Variants in EYS observed in about 807,000 individuals in gnomAD.
The protein encoded by EYS is protein eyes shut homolog.
Under a neutral mutation model 282.1 loss-of-function variants are expected in EYS, and 250 were observed. The observed-to-expected ratio is 0.89, with a 90% CI of 0.80 to 0.98. EYS has a LOEUF of 0.98. Ranked by LOEUF, EYS falls within the 50% of genes least tolerant of loss-of-function variation. The probability of loss-of-function intolerance (pLI) is 0.00; values close to 1 mark genes in which losing one functional copy is unlikely to be tolerated. For synonymous variants in EYS, 1,355 were observed against 1,282.9 expected (o/e 1.06, Z -1.20); for missense variants, 4,016 against 3,709.0 (o/e 1.08, Z -2.15).
chr6:65,224,332 A>G (rs1265231601), intron 12 of EYS, among the ~76,000 whole-genome samples: 1 of 152,224 alleles, frequency 6.6e-6, no homozygotes, highest in Non-Finnish European at 1.5e-5. Flanking sequence ...GCAATCACAA[A>G]GTAAATTCTA....
intron 12 of EYS, among the ~76,000 whole-genome samples, chr6:65,085,101 T>C (rs1401067285): frequency 6.6e-6 from 1 of 152,140 alleles, no homozygotes; most frequent in Non-Finnish European, 1.5e-5. Context: ...AAGAAAATTA[T>C]AAATAAGAAA....
intron 33 of EYS, among the ~76,000 whole-genome samples, chr6:64,044,346 C>T (rs539035078): frequency 8.5e-5 from 13 of 152,216 alleles, no homozygotes; most frequent in African/African-American, 2.4e-4. Flanking sequence ...TTGCTACAGC[C>T]CTTGCATTAC....
intron 18 of EYS, among the ~76,000 whole-genome samples, chr6:64,891,568 C>G (rs1038695627): frequency 3.3e-5 from 5 of 152,076 alleles, no homozygotes; most frequent in African/African-American, 4.8e-5. Flanking sequence ...CTCCTGGCCT[C>G]TGGCTATAGT....
intron 26 of EYS, among the ~76,000 whole-genome samples, chr6:64,582,416 C>T (rs532798734): frequency 2.2e-4 from 33 of 152,190 alleles, no homozygotes; most frequent in African/African-American, 7.2e-4. Context: ...CCTAGCCCCC[C>T]ATGGAAAAAC....
intron 2 of EYS, among the ~76,000 whole-genome samples, chr6:65,573,461 A>G (rs1481695843): frequency 3.3e-5 from 5 of 152,164 alleles, no homozygotes; most frequent in Admixed American, 6.6e-5. Flanking sequence ...GGGAGACGCC[A>G]CTGTTTACTC....
At chr6:65,296,664 T>C (rs1048423727) in intron 11 of EYS, among the ~76,000 whole-genome samples, 7 of 151,868 alleles carry the variant, frequency 4.6e-5, no homozygotes, top group African/African-American at 1.7e-4. Flanking sequence ...TTTTAAAATA[T>C]CTGTACTCTT....
chr6:63,777,116 T>C (rs1440102010), intron 40 of EYS, among the ~76,000 whole-genome samples: 1 of 152,206 alleles, frequency 6.6e-6, no homozygotes, highest in Non-Finnish European at 1.5e-5. Context: ...AGTCAAACTA[T>C]ACATTTTTTT....
At chr6:64,241,334 T>G (rs1200038414) in intron 30 of EYS, among the ~76,000 whole-genome samples, 1 of 152,186 alleles carries the variant, frequency 6.6e-6, no homozygotes, top group African/African-American at 2.4e-5. Flanking sequence ...AGCACCTCTT[T>G]ATACCTCTGG....
chr6:65,235,042 G>A (rs796628275), intron 12 of EYS, among the ~76,000 whole-genome samples: 2 of 152,094 alleles, frequency 1.3e-5, no homozygotes, highest in African/African-American at 2.4e-5. Context: ...AATATTTTAA[G>A]GTTCATTAAA....
chr6:64,208,442 ATCTCT>A (rs1452013967), intron 31 of EYS, among the ~76,000 whole-genome samples: 1 of 152,180 alleles, frequency 6.6e-6, no homozygotes, highest in Admixed American at 6.5e-5. Context: ...TGTCTTTAGT[ATCTCT>A]TCTCTTATTA....
At chr6:65,567,131 C>T (rs1764292182) in intron 2 of EYS, among the ~76,000 whole-genome samples, 2 of 151,952 alleles carry the variant, frequency 1.3e-5, no homozygotes, top group African/African-American at 4.8e-5. Flanking sequence ...CTCTTGCCCT[C>T]TCTTGTCCTT....
intron 9 of EYS, among the ~76,000 whole-genome samples, chr6:65,349,864 G>A (rs896549780): frequency 1.3e-5 from 2 of 151,372 alleles, no homozygotes; most frequent in Non-Finnish European, 3.0e-5. Flanking sequence ...GTATGCATGC[G>A]CCTATACTAC....
chr6:64,285,957 G>A (rs1487336838), intron 30 of EYS, among the ~76,000 whole-genome samples: 1 of 152,164 alleles, frequency 6.6e-6, no homozygotes, highest in Non-Finnish European at 1.5e-5. Flanking sequence ...GGGACACAGA[G>A]CCAAACCATA....
At chr6:64,125,309 T>C (rs534791018) in intron 31 of EYS, among the ~76,000 whole-genome samples, 195 of 152,228 alleles carry the variant, frequency 1.3e-3, no homozygotes, top group Non-Finnish European at 2.1e-3. Flanking sequence ...GCTTGGCTTT[T>C]CTGGTGGTTA....
intron 15 of EYS, among the ~76,000 whole-genome samples, chr6:64,918,460 CGTTT>C (rs1768232638): frequency 6.6e-6 from 1 of 151,876 alleles, no homozygotes; most frequent in Admixed American, 6.6e-5. Flanking sequence ...TTTGTTTGTT[CGTTT>C]GTTTGTTTCT....
At chr6:65,057,345 C>T (rs1020609357) in intron 13 of EYS, among the ~76,000 whole-genome samples, 5 of 151,960 alleles carry the variant, frequency 3.3e-5, no homozygotes, top group African/African-American at 1.2e-4. Flanking sequence ...ATATTCCTTC[C>T]TTACTTTTTT....
intron 29 of EYS, among the ~76,000 whole-genome samples, chr6:64,332,304 T>A (rs977210673): frequency 1.3e-5 from 2 of 152,138 alleles, no homozygotes; most frequent in Non-Finnish European, 2.9e-5. Flanking sequence ...TAAAATAAAT[T>A]GGGGAATTAA....
At chr6:64,210,560 C>A (rs1765732914) in intron 31 of EYS, among the ~76,000 whole-genome samples, 1 of 152,120 alleles carries the variant, frequency 6.6e-6, no homozygotes, top group South Asian at 2.1e-4. Context: ...CAAATATAGT[C>A]ACATTCTGAA....
chr6:64,900,177 T>C (rs1562249791), intron 18 of EYS, among the ~76,000 whole-genome samples: 2 of 152,184 alleles, frequency 1.3e-5, no homozygotes, highest in Non-Finnish European at 2.9e-5. Flanking sequence ...TGGTTAGCCA[T>C]ATGCAGAACT....
Sources: gnomAD v4.1 joint callset for allele counts (sites outside exome capture counted in the v4.1 genomes callset) on GRCh38, gnomAD v4.1.1 for gene constraint, MANE v1.5 for transcripts, NCBI Gene and HGNC (gene_info 2026-07-23, HGNC 2026-07-21) for gene names.